ZW10: variants seen among roughly 807,000 people sequenced by gnomAD.
The protein encoded by ZW10 is centromere/kinetochore protein zw10 homolog.
Under a neutral mutation model 87.8 loss-of-function variants are expected in ZW10, and 53 were observed. The ratio of observed to expected loss-of-function variants is 0.60; its 90% CI spans 0.48 to 0.76. The LOEUF (loss-of-function observed/expected upper bound fraction) is 0.76, where lower values mean the gene tolerates loss of function less well. Ranked by LOEUF, ZW10 falls within the 30% of genes least tolerant of loss-of-function variation. The pLI, the probability that ZW10 is intolerant of heterozygous loss-of-function variation, is 0.00. For synonymous variants in ZW10, 312 were observed against 329.2 expected (o/e 0.95, Z 0.57); for missense variants, 837 against 923.0 (o/e 0.91, Z 1.21).
intron 8 of ZW10, among the ~76,000 whole-genome samples, 152 bp downstream of exon 8, chr11:113,748,104 GA>G (rs1051725252): frequency 2.0e-5 from 3 of 152,086 alleles, no homozygotes; most frequent in Non-Finnish European, 4.4e-5. Flanking sequence ...GAAGCCAGGA[GA>G]AAAATGAAGT....
intron 9 of ZW10, among the ~76,000 whole-genome samples, chr11:113,746,495 C>CAAAAAAAAAAAAAAAAAAAAG (rs566009326): frequency 9.5e-6 from 1 of 105,342 alleles, no homozygotes; most frequent in Non-Finnish European, 1.8e-5. Context: ...ACAAAACAGT[C>CAAAAAAAAAAAAAAAAAAAAG]AAAAAAAAAA....
At chr11:113,771,109 G>A (rs940027928) in intron 1 of ZW10, among the ~76,000 whole-genome samples, 4 of 151,260 alleles carry the variant, frequency 2.6e-5, no homozygotes, top group African/African-American at 9.7e-5. Context: ...CAGAGTAGCT[G>A]GGATTACAGG....
At chr11:113,740,195 G>GA (rs112679347) in intron 11 of ZW10, among the ~76,000 whole-genome samples, 26,748 of 151,428 alleles carry the variant, frequency 0.18, 2,442 homozygotes, top group African/African-American at 0.2. Context: ...TAAAAAAAAA[G>GA]AAAAAAACAC....
chr11:113,755,758 T>C lies in ZW10; in HGVS notation c.925+1904A>G, dbSNP rs573131427. Among the ~76,000 whole-genome samples, 18 of 152,274 alleles carry C rather than the reference T, an allele frequency of 1.2e-4. No homozygotes were observed. The East Asian group carries it at 3.5e-3, about 29-fold the overall frequency. ...TCATTGTTGTCTTATTTTAAGAAAT[T>C]GACGCAGCCATCCAACCTTCAGCAA... is the stretch of plus-strand genomic sequence containing the variant. On this transcript the variant is annotated intron_variant, in intron 7 of 15. Transcript: ENST00000200135.
intron 2 of ZW10, among the ~76,000 whole-genome samples, chr11:113,766,221 T>C (rs552144044): frequency 6.6e-6 from 1 of 151,746 alleles, no homozygotes; most frequent in African/African-American, 2.4e-5. Context: ...AAAATTTAGC[T>C]GGGCATGATG....
intron 7 of ZW10, among the ~76,000 whole-genome samples, chr11:113,750,593 C>T (rs1181451853): frequency 7.2e-5 from 11 of 152,030 alleles, no homozygotes; most frequent in African/African-American, 2.7e-4. Context: ...CATGAGCCAC[C>T]GCGCCTGGCT....
intron 7 of ZW10, among the ~76,000 whole-genome samples, chr11:113,752,419 TTGCTTTAATG>T (rs1274536823): frequency 6.6e-6 from 1 of 152,216 alleles, no homozygotes; most frequent in Non-Finnish European, 1.5e-5. Flanking sequence ...TTATTGTGTT[TTGCTTTAATG>T]TGCTTCACAG....
chr11:113,763,780 T>C (rs1591422290), intron 2 of ZW10, among the ~76,000 whole-genome samples: 2 of 152,330 alleles, frequency 1.3e-5, no homozygotes, highest in South Asian at 2.1e-4. Flanking sequence ...CATGGGTAGA[T>C]TGCAAAAATT....
intron 2 of ZW10, among the ~76,000 whole-genome samples, chr11:113,764,362 T>C (rs1158745757): frequency 7.9e-5 from 12 of 152,226 alleles, no homozygotes; most frequent in Admixed American, 7.9e-4. Flanking sequence ...TGATTCCATA[T>C]GAAATTAAAA....
At chr11:113,745,315 A>T (rs1287896605) in intron 9 of ZW10, among the ~76,000 whole-genome samples, 2 of 151,960 alleles carry the variant, frequency 1.3e-5, no homozygotes, top group Admixed American at 1.3e-4. Context: ...AAAAAAAAAA[A>T]AGATAAAGCA....
intron 1 of ZW10, 130 bp from the exon 2 acceptor site, chr11:113,769,097 T>C (rs1953936833): frequency 1.2e-6 from 1 of 851,370 alleles, no homozygotes; most frequent in Non-Finnish European, 1.8e-6. Context: ...ACCCATTCAC[T>C]TTCCCTCCAA....
intron 8 of ZW10, 44 bp from the exon 9 acceptor site, chr11:113,747,757 T>C (rs1953695902): frequency 7.0e-7 from 1 of 1,434,304 alleles, no homozygotes. Flanking sequence ...TTTACATATA[T>C]TCCATTACAA....
chr11:113,745,095 T>TAA (rs34212662), intron 9 of ZW10, among the ~76,000 whole-genome samples: 20 of 145,664 alleles, frequency 1.4e-4, no homozygotes, highest in African/African-American at 4.6e-4. Context: ...CTCCCCTTAT[T>TAA]AAAAAAAAAA....
In ZW10 at chr11:113,766,437, G is replaced by A. The variant is rs577185723; in HGVS notation, c.240+2396C>T. ...TGTAATCCCAGCACTTTGGGAGGCC[G>A]AGGCGGGTGGATCACGAGGTCAGGA... On this transcript the variant is annotated intron_variant, in intron 2 of 15. Transcript: ENST00000200135. 2.6e-3 allele frequency among the ~76,000 whole-genome samples: 399 copies of A among 152,062 alleles called. 3 individuals are homozygous for A. Among genetic ancestry groups the A allele is most frequent in the African/African-American group, 8.8e-3 (367 of 41,474 alleles).
chr11:113,757,449 A>G (rs1286613186), intron 7 of ZW10, among the ~76,000 whole-genome samples: 1 of 152,218 alleles, frequency 6.6e-6, no homozygotes, highest in African/African-American at 2.4e-5. Flanking sequence ...CTGGGGTACC[A>G]CTGATGGCCC....
intron 5 of ZW10, 70 bp from the exon 6 acceptor site, chr11:113,758,776 C>T: frequency 1.4e-6 from 2 of 1,445,142 alleles, no homozygotes; most frequent in East Asian, 2.3e-5. Context: ...TTCCTCAGAG[C>T]TCATTCTCTG....
chr11:113,736,696 C>T lies in ZW10; in HGVS notation c.2143G>A (p.Val715Ile), dbSNP rs1239706744. Residue 715 changes from valine (V) to isoleucine (I), a missense_variant, in exon 15 of 16, where the codon GTC becomes ATC. Coordinates refer to ENST00000200135, the MANE Select transcript of ZW10 (RefSeq NM_004724.4). ...KNKKYQEEVP[V>I]YVPKWMPFKE... Reference sequence around the variant, plus strand: ...AATGGCATCCATTTTGGCACATAGACTGGAACCTCTTCTTGATATTTCTTG... The same window carrying T: ...AATGGCATCCATTTTGGCACATAGATTGGAACCTCTTCTTGATATTTCTTG... 1 of 1,614,208 alleles carries T rather than the reference C, an allele frequency of 6.2e-7. No homozygotes were observed.
chr11:113,747,796 A>G (rs1360599957), intron 8 of ZW10, 83 bp from the exon 9 acceptor site: 3 of 1,187,612 alleles, frequency 2.5e-6, no homozygotes, highest in African/African-American at 3.1e-5. Context: ...AATGTATAAA[A>G]AAATGAGGAC....
At chr11:113,744,172 G>A (rs1953655547) in intron 9 of ZW10, 132 bp from the exon 10 acceptor site, 1 of 675,520 alleles carries the variant, frequency 1.5e-6, no homozygotes. Flanking sequence ...CAGATCACGA[G>A]GTCAGGAGAT....
Sources: allele counts gnomAD v4.1 joint callset (sites outside exome capture counted in the v4.1 genomes callset), GRCh38; gene constraint gnomAD v4.1.1; transcripts MANE v1.5; gene names NCBI Gene and HGNC (gene_info 2026-07-23, HGNC 2026-07-21).